The following RFTN1 variants were observed in gnomAD, a reference collection of about 807,000 sequenced individuals.
RFTN1 encodes raftlin, lipid raft linker 1.
Under a neutral mutation model 46.5 loss-of-function variants are expected in RFTN1, and 26 were observed. The observed-to-expected ratio is 0.56, with a 90% CI of 0.41 to 0.78. The LOEUF is 0.78. Ranked by LOEUF, RFTN1 falls within the 30% of genes least tolerant of loss-of-function variation. RFTN1 has a pLI of 0.00. For missense variants in RFTN1, 693 were observed against 718.7 expected (o/e 0.96, Z 0.41); for synonymous variants, 261 against 284.2 (o/e 0.92, Z 0.82).
chr3:16,417,387 A>G lies in RFTN1; in HGVS notation c.333-7904T>C, dbSNP rs149369245. Among the ~76,000 whole-genome samples the G allele has an allele frequency of 5.8e-3, 878 of 152,132 alleles. 31 individuals are homozygous for G. The highest frequency in any genetic ancestry group is 0.052 in the Admixed American group (797 of 15,272). Reference sequence around the variant, plus strand: ...GGGCCAAAACTGAATGTGAACAAGTAAAAAAACCACACACACATTAAATAA... The same window carrying G: ...GGGCCAAAACTGAATGTGAACAAGTGAAAAAACCACACACACATTAAATAA... On this transcript the variant is annotated intron_variant, in intron 3 of 9. Coordinates refer to ENST00000334133, the MANE Select transcript of RFTN1 (RefSeq NM_015150.2).
intron 3 of RFTN1, among the ~76,000 whole-genome samples, chr3:16,417,606 A>T (rs2347003): frequency 6.6e-6 from 1 of 152,162 alleles, no homozygotes; most frequent in African/African-American, 2.4e-5. Context: ...ATGTACCTGG[A>T]GATCTTCACT....
rs1459553446 is a variant in RFTN1, at chr3:16,447,030, ACTT to A, written c.146-12996_146-12994del. Among the ~76,000 whole-genome samples the A allele has an allele frequency of 6.6e-6, 1 of 152,188 alleles. No homozygotes were observed. The highest frequency in any genetic ancestry group is 1.5e-5 in the Non-Finnish European group (1 of 68,030). ...TTCCACACTCTGGGGGCTTGGCACA[ACTT>A]CTATCCACAAAAGAAGACCACTCAT... On this transcript the variant is annotated intron_variant, in intron 2 of 9. Transcript: ENST00000334133. This position sits in a 1 kb window ranked among gnomAD's most constrained non-coding sequence, Gnocchi z 5.9.
Position 16,484,271 on chromosome 3 carries a change from A to T in RFTN1, c.145+9454T>A, listed in dbSNP as rs2076412035. ...AACAATGATTATCAGCTGCTTCTGTAGTTGTGTGTCAGACTAACACCCCCC... is the reference window on the plus strand; with the variant it reads ...AACAATGATTATCAGCTGCTTCTGTTGTTGTGTGTCAGACTAACACCCCCC... On this transcript the variant is annotated intron_variant, in intron 2 of 9. Coordinates refer to ENST00000334133, the MANE Select transcript of RFTN1 (RefSeq NM_015150.2). The surrounding 1 kb of genome is among the most constrained non-coding windows in gnomAD (Gnocchi z 4.6). Among the ~76,000 whole-genome samples the T allele has an allele frequency of 6.6e-6, 1 of 152,218 alleles. No individual in the cohort carries two copies. Among genetic ancestry groups the T allele is most frequent in the Admixed American group, 6.5e-5 (1 of 15,288 alleles).
At chr3:16,369,977 C>G (rs1358165450) in intron 6 of RFTN1, 99 bp downstream of exon 6, 4 of 1,136,088 alleles carry the variant, frequency 3.5e-6, no homozygotes, top group Non-Finnish European at 5.3e-6. Context: ...GGCTGCAGAG[C>G]TTTCTGAATG....
chr3:16,347,445 G>C (rs1235595784), intron 7 of RFTN1, among the ~76,000 whole-genome samples: 2 of 152,244 alleles, frequency 1.3e-5, no homozygotes, highest in Admixed American at 1.3e-4. Flanking sequence ...TTGGAGGCTA[G>C]GGGGAGAATC....
intron 3 of RFTN1, among the ~76,000 whole-genome samples, chr3:16,420,834 T>G (rs2125467875): frequency 6.6e-6 from 1 of 152,364 alleles, no homozygotes; most frequent in South Asian, 2.1e-4. Context: ...TTAATGTATG[T>G]GCAAATCATC....
rs780986737 is a variant in RFTN1, at chr3:16,427,357, C to A, written c.332+6494G>T. On this transcript the variant is annotated intron_variant, in intron 3 of 9. Transcript: ENST00000334133. The surrounding 1 kb of genome is among the most constrained non-coding windows in gnomAD (Gnocchi z 5.4). ...TGTCTTAGAATAAAGACAGAGTCTT[C>A]AGAATTTTAGATTCTGGGTCTCAAG... 3.9e-5 allele frequency among the ~76,000 whole-genome samples: 6 copies of A among 152,166 alleles called. No individual in the cohort carries two copies. The highest frequency in any genetic ancestry group is 7.4e-5 in the Non-Finnish European group (5 of 68,020).
At position 16,500,626 on chromosome 3, in the gene RFTN1, T is replaced by A. The variant is rs1235558446; in HGVS notation, c.-8-6749A>T. The stretch of plus-strand genomic sequence containing the variant: ...AGAAGATGACAGACATTGCAAATGA[T>A]CTGGAAACAAAGATCCCTTGAATGG... On this transcript the variant is annotated intron_variant, in intron 1 of 9. Transcript: ENST00000334133. The surrounding 1 kb of genome is among the most constrained non-coding windows in gnomAD (Gnocchi z 5.9). Among the ~76,000 whole-genome samples the A allele has an allele frequency of 6.6e-6, 1 of 152,186 alleles. No homozygotes were observed. Among genetic ancestry groups the A allele is most frequent in the Non-Finnish European group, 1.5e-5 (1 of 68,026 alleles).
At chr3:16,423,147 G>A (rs1048675917) in intron 3 of RFTN1, among the ~76,000 whole-genome samples, 7 of 150,606 alleles carry the variant, frequency 4.6e-5, no homozygotes, top group African/African-American at 1.7e-4. Flanking sequence ...CAGCCTGGGT[G>A]ACAGAGCGAG....
intron 7 of RFTN1, chr3:16,349,425 C>G (rs774437369): frequency 6.6e-6 from 1 of 152,180 alleles, no homozygotes. Flanking sequence ...TAAGGCAAAC[C>G]CAAAAGAGGA....
chr3:16,371,195 TC>T (rs2073483805), intron 5 of RFTN1, among the ~76,000 whole-genome samples: 1 of 152,252 alleles, frequency 6.6e-6, no homozygotes, highest in South Asian at 2.1e-4. Flanking sequence ...CATAAGAAAA[TC>T]CCCACCCTTC....
chr3:16,366,598 T>C (rs1407630666), intron 6 of RFTN1, among the ~76,000 whole-genome samples: 2 of 115,458 alleles, frequency 1.7e-5, no homozygotes, highest in Non-Finnish European at 3.4e-5. Context: ...GCCCACCTCA[T>C]GGTCCTTTTG....
intron 6 of RFTN1, among the ~76,000 whole-genome samples, chr3:16,368,183 C>CT (rs1403442987): frequency 1.3e-5 from 2 of 152,272 alleles, no homozygotes; most frequent in African/African-American, 4.8e-5. Flanking sequence ...ATATGTCAGG[C>CT]TGTAAACATC....
intron 4 of RFTN1, among the ~76,000 whole-genome samples, chr3:16,386,617 G>T (rs1438275728): frequency 6.6e-6 from 1 of 152,142 alleles, no homozygotes; most frequent in Admixed American, 6.5e-5. Context: ...GGGCTAGATT[G>T]CAGAGTCTTG....
Position 16,446,378 on chromosome 3 carries a change from G to C in RFTN1, c.146-12341C>G, listed in dbSNP as rs1234095041. On this transcript the variant is annotated intron_variant, in intron 2 of 9. Coordinates refer to ENST00000334133, the MANE Select transcript of RFTN1 (RefSeq NM_015150.2). This position sits in a 1 kb window ranked among gnomAD's most constrained non-coding sequence, Gnocchi z 4.5. ...AGGTACCGTTAGGGAAATTCACATT[G>C]TCGTGCAACCATCACCACCATCTAT... Among the ~76,000 whole-genome samples, 1 of 151,534 alleles carries C rather than the reference G, an allele frequency of 6.6e-6. No homozygotes were observed. The highest frequency in any genetic ancestry group is 1.5e-5 in the Non-Finnish European group (1 of 67,952).
In RFTN1 at chr3:16,351,064, C is replaced by A. The variant is rs1041114982; in HGVS notation, c.1146+6868G>T. On this transcript the variant is annotated intron_variant, in intron 7 of 9. Coordinates refer to ENST00000334133, the MANE Select transcript of RFTN1 (RefSeq NM_015150.2). The surrounding 1 kb of genome is among the most constrained non-coding windows in gnomAD (Gnocchi z 5.4). Reference sequence around the variant, plus strand: ...ACAAGTGAGACCTAATGTGTTATTACACAGGATTCACAGGATTATGAGACA... The same window carrying A: ...ACAAGTGAGACCTAATGTGTTATTAAACAGGATTCACAGGATTATGAGACA... Among the ~76,000 whole-genome samples the A allele has an allele frequency of 2.6e-5, 4 of 152,170 alleles. No individual in the cohort carries two copies. Among genetic ancestry groups the A allele is most frequent in the African/African-American group, 9.7e-5 (4 of 41,432 alleles).
In RFTN1 at chr3:16,351,416, C is replaced by T. The variant is rs1476818820; in HGVS notation, c.1146+6516G>A. On this transcript the variant is annotated intron_variant, in intron 7 of 9. Transcript: ENST00000334133. This position sits in a 1 kb window ranked among gnomAD's most constrained non-coding sequence, Gnocchi z 5.4. ...GACAGGCTGGGGAAATGGGCAGAAGCGAATAGTATGAAATAAAATGGGGGT... is the reference window on the plus strand; with the variant it reads ...GACAGGCTGGGGAAATGGGCAGAAGTGAATAGTATGAAATAAAATGGGGGT... Among the ~76,000 whole-genome samples the T allele has an allele frequency of 6.6e-6, 1 of 152,004 alleles. No individual in the cohort carries two copies. The highest frequency in any genetic ancestry group is 6.6e-5 in the Admixed American group (1 of 15,266).
At chr3:16,416,201 G>A (rs2075076677) in intron 3 of RFTN1, 1 of 456,344 alleles carries the variant, frequency 2.2e-6, no homozygotes, top group Non-Finnish European at 4.4e-6. Flanking sequence ...TACTGGCAGA[G>A]ATGTGATTTC....
intron 5 of RFTN1, among the ~76,000 whole-genome samples, chr3:16,371,368 A>AT (rs1372565947): frequency 6.6e-5 from 10 of 152,168 alleles, no homozygotes; most frequent in Non-Finnish European, 1.0e-4. Context: ...GTACTAGTTG[A>AT]TTTTTTTAAT....
Sources: gnomAD v4.1 joint callset for allele counts (sites outside exome capture counted in the v4.1 genomes callset) on GRCh38, gnomAD v4.1.1 for gene constraint, Gnocchi (gnomAD v3.1) non-coding constraint, MANE v1.5 for transcripts, NCBI Gene and HGNC (gene_info 2026-07-23, HGNC 2026-07-21) for gene names.